BLNK: variants seen among roughly 807,000 people sequenced by gnomAD.
The protein encoded by BLNK is B cell linker, also known as B-cell linker protein.
In BLNK, 29 loss-of-function variants were observed where a neutral mutation model predicts 73.5. The observed-to-expected ratio is 0.39, with a 90% CI of 0.29 to 0.54. BLNK has a LOEUF of 0.54. Ranked by LOEUF, BLNK falls within the 20% of genes least tolerant of loss-of-function variation. The pLI is 0.61. For synonymous variants in BLNK, 176 were observed against 200.8 expected (o/e 0.88, Z 1.04); for missense variants, 460 against 562.8 (o/e 0.82, Z 1.85).
chr10:96,193,107 G>T (rs192175117), intron 16 of BLNK, among the ~76,000 whole-genome samples: 1 of 152,274 alleles, frequency 6.6e-6, no homozygotes, highest in East Asian at 1.9e-4. Flanking sequence ...TAATTGGCTA[G>T]CTGAATATTC....
Position 96,204,634 on chromosome 10 carries a change from T to C in BLNK, c.818-18A>G, listed in dbSNP as rs781988099. 6 of 1,612,468 alleles carry C rather than the reference T, an allele frequency of 3.7e-6. No homozygotes were observed. Among genetic ancestry groups the C allele is most frequent in the South Asian group, 1.1e-5 (1 of 91,056 alleles). On this transcript the variant is annotated intron_variant, in intron 11 of 16. Transcript: ENST00000224337. ...AGGTTTTTCTGGATCAGGAAAATTA[T>C]CATATTAGGATTAGAGTGAAATGTC...
At chr10:96,252,430 C>T (rs548519749) in intron 1 of BLNK, among the ~76,000 whole-genome samples, 1 of 152,168 alleles carries the variant, frequency 6.6e-6, no homozygotes, top group Non-Finnish European at 1.5e-5. Context: ...TATGATAGAT[C>T]ATGCCTTTTT....
chr10:96,242,807 A>G, intron 2 of BLNK, 23 bp from the exon 3 acceptor site: 1 of 1,605,090 alleles, frequency 6.2e-7, no homozygotes, highest in Non-Finnish European at 8.5e-7. Context: ...ACCATGAGAC[A>G]AAAGGTCAGT....
intron 1 of BLNK, among the ~76,000 whole-genome samples, chr10:96,251,568 A>G (rs1219606552): frequency 1.3e-5 from 2 of 152,202 alleles, no homozygotes; most frequent in Non-Finnish European, 2.9e-5. Flanking sequence ...CTAATCTTCT[A>G]AAGTCATAGA....
intron 1 of BLNK, among the ~76,000 whole-genome samples, chr10:96,247,695 A>G (rs1843106644): frequency 6.6e-6 from 1 of 152,200 alleles, no homozygotes; most frequent in African/African-American, 2.4e-5. Context: ...TATAGATGAG[A>G]AATGGAAAGT....
rs1254037485 is a variant in BLNK, at chr10:96,220,881, CT to C, written c.525+2944del. 4.6e-5 allele frequency among the ~76,000 whole-genome samples: 7 copies of C among 152,160 alleles called. No individual in the cohort carries two copies. The East Asian group carries it at 7.7e-4, about 17-fold the overall frequency. ...TAATTGTTTACATGTTTGCCTCCCC[CT>C]AGGACTACAGATTTGAAAAATAGGA... On this transcript the variant is annotated intron_variant, in intron 6 of 16. Transcript: ENST00000224337.
chr10:96,198,932 C>T (rs1260851480), intron 15 of BLNK, among the ~76,000 whole-genome samples: 1 of 152,208 alleles, frequency 6.6e-6, no homozygotes, highest in Non-Finnish European at 1.5e-5. Context: ...CTCCTGACCT[C>T]AAGTGATCCA....
chr10:96,260,375 C>T lies in BLNK; in HGVS notation c.47+10977G>A, dbSNP rs541934409. On this transcript the variant is annotated intron_variant, in intron 1 of 16. Transcript: ENST00000224337. The stretch of plus-strand genomic sequence containing the variant: ...TACCAGCATAAAAATGCAAAACTGA[C>T]GTCTCTTAAATCGAACCAGCTGCCA... 3.9e-5 allele frequency among the ~76,000 whole-genome samples: 6 copies of T among 152,250 alleles called. No homozygotes were observed. In the South Asian group the frequency reaches 6.2e-4, roughly 16 times the overall value.
At chr10:96,202,616 G>C (rs185116587) in intron 13 of BLNK, among the ~76,000 whole-genome samples, 1,786 of 152,248 alleles carry the variant, frequency 0.012, 15 homozygotes, top group Non-Finnish European at 0.019. Flanking sequence ...GTAAGAGGAG[G>C]GGGCAGTGAG....
Position 96,271,413 on chromosome 10 carries a change from G to T in BLNK, c.-15C>A. 1 of 1,613,988 alleles carries T rather than the reference G, an allele frequency of 6.2e-7. No individual in the cohort carries two copies. Among genetic ancestry groups the T allele is most frequent in the Non-Finnish European group, 8.5e-7 (1 of 1,179,892 alleles). On this transcript the variant is annotated 5_prime_UTR_variant, in exon 1 of 17. Coordinates refer to ENST00000224337, the MANE Select transcript of BLNK (RefSeq NM_013314.4). ...AGCTTGTCCATTCTGTTTGGTAATT[G>T]TAAGAGACACGAATAACTGTCCAGT...
At chr10:96,246,723 T>A (rs1843058634) in intron 2 of BLNK, among the ~76,000 whole-genome samples, 1 of 152,196 alleles carries the variant, frequency 6.6e-6, no homozygotes, top group African/African-American at 2.4e-5. Flanking sequence ...GCTTTGACAT[T>A]TGTTAGGCAC....
intron 3 of BLNK, among the ~76,000 whole-genome samples, chr10:96,241,575 C>T (rs182253502): frequency 2.1e-3 from 324 of 152,238 alleles, no homozygotes; most frequent in Non-Finnish European, 3.7e-3. Context: ...TTCAACAATC[C>T]TCAAATATCA....
intron 3 of BLNK, among the ~76,000 whole-genome samples, chr10:96,239,773 C>G (rs1355271876): frequency 6.6e-6 from 1 of 152,096 alleles, no homozygotes; most frequent in African/African-American, 2.4e-5. Flanking sequence ...TAGATGGATG[C>G]TACCTCCCTT....
At chr10:96,239,935 C>G (rs1842830124) in intron 3 of BLNK, among the ~76,000 whole-genome samples, 1 of 152,146 alleles carries the variant, frequency 6.6e-6, no homozygotes, top group Admixed American at 6.5e-5. Flanking sequence ...CTCTGAACTC[C>G]TGGAATCTGT....
At chr10:96,194,434 G>T (rs1554894197) in intron 16 of BLNK, among the ~76,000 whole-genome samples, 1 of 152,094 alleles carries the variant, frequency 6.6e-6, no homozygotes. Context: ...CATGACACTG[G>T]ATTTGGCAAT....
At chr10:96,204,686 T>C in intron 11 of BLNK, 70 bp from the exon 12 acceptor site, 1 of 1,505,392 alleles carries the variant, frequency 6.6e-7, no homozygotes, top group Non-Finnish European at 9.2e-7. Context: ...CCCAGCAACA[T>C]CAGCTGAGAA....
At chr10:96,264,070 A>C (rs1375484542) in intron 1 of BLNK, among the ~76,000 whole-genome samples, 2 of 152,190 alleles carry the variant, frequency 1.3e-5, no homozygotes, top group Admixed American at 6.5e-5. Context: ...AATTCCTAAT[A>C]ATGTGCATGG....
chr10:96,224,048 G>T lies in BLNK; in HGVS notation c.362-59C>A, dbSNP rs1015372504. ...AGAGGCTCTGGATCATTTCCTGGGT[G>T]GAAGCCATTGAGATCCAGAAAGTAT... is the stretch of plus-strand genomic sequence containing the variant. On this transcript the variant is annotated intron_variant, in intron 5 of 16. Transcript: ENST00000224337. 6 of 1,595,468 alleles carry T rather than the reference G, an allele frequency of 3.8e-6. No homozygotes were observed. In the African/African-American group the frequency reaches 8.1e-5, roughly 21 times the overall value.
At chr10:96,251,392 C>T (rs144091536) in intron 1 of BLNK, among the ~76,000 whole-genome samples, 6 of 152,224 alleles carry the variant, frequency 3.9e-5, no homozygotes, top group Admixed American at 2.6e-4. Flanking sequence ...GAATGCACAA[C>T]TGGTCTGTTC....
Sources: allele counts gnomAD v4.1 joint callset (sites outside exome capture counted in the v4.1 genomes callset), GRCh38; gene constraint gnomAD v4.1.1; transcripts MANE v1.5; gene names NCBI Gene and HGNC (gene_info 2026-07-23, HGNC 2026-07-21).